PEPD: variants seen among roughly 807,000 people sequenced by gnomAD.
The protein encoded by PEPD is peptidase D.
Under a neutral mutation model 60.7 loss-of-function variants are expected in PEPD, and 53 were observed. The ratio of observed to expected loss-of-function variants is 0.87; its 90% confidence interval spans 0.70 to 1.10. The LOEUF is 1.10. Among genes scored for constraint, PEPD ranks in the 50% least tolerant of loss-of-function variants. The pLI is 0.00. For synonymous variants in PEPD, 267 were observed against 284.1 expected, an observed-to-expected ratio of 0.94 and a Z score of 0.60; for missense variants, 711 against 711.9, an observed-to-expected ratio of 1.00 and a Z score of 0.01.
At chr19:33,487,746 A>T (rs1970422628) in intron 6 of PEPD, among the ~76,000 whole-genome samples, 1 of 152,100 alleles carries the variant, frequency 6.6e-6, no homozygotes, top group Non-Finnish European at 1.5e-5. Context: ...TGGCTCTCCA[A>T]AAAGTGTCCC....
At chr19:33,486,697 C>A (rs1290305530) in intron 6 of PEPD, among the ~76,000 whole-genome samples, 2 of 152,152 alleles carry the variant, frequency 1.3e-5, no homozygotes, top group Non-Finnish European at 2.9e-5. Flanking sequence ...CAAGGCTGAG[C>A]CCAAATGGGA....
intron 7 of PEPD, among the ~76,000 whole-genome samples, chr19:33,472,547 A>G (rs907168429): frequency 6.7e-6 from 1 of 148,926 alleles, no homozygotes; most frequent in Non-Finnish European, 1.5e-5. Flanking sequence ...CAAAAATCAC[A>G]AAAAGTAGAT....
At position 33,512,586 on chromosome 19, in the gene PEPD, G is replaced by C. The variant is rs749895928; in HGVS notation, c.201+7C>G. On this transcript the variant is annotated splice_region_variant and intron_variant, in intron 2 of 14. Transcript: ENST00000244137. ...CTGCTCACTTGTGGCCAAGCGGGGA[G>C]GCTCACCTGGCGGAAGAGGACCCCG... The C allele has an allele frequency of 1.9e-6, 3 of 1,612,844 alleles. No homozygotes were observed. In the South Asian group the frequency reaches 3.3e-5, roughly 18 times the overall value.
At chr19:33,500,128 G>T (rs1970681337) in intron 4 of PEPD, among the ~76,000 whole-genome samples, 1 of 152,262 alleles carries the variant, frequency 6.6e-6, no homozygotes, top group Non-Finnish European at 1.5e-5. Flanking sequence ...GCCAGGTCCA[G>T]GTTGGACTCC....
chr19:33,450,131 T>G (rs1402108544), intron 9 of PEPD, among the ~76,000 whole-genome samples: 2 of 152,218 alleles, frequency 1.3e-5, no homozygotes, highest in Non-Finnish European at 2.9e-5. Flanking sequence ...TTTTTATCAG[T>G]CTAGGTCAGA....
intron 6 of PEPD, among the ~76,000 whole-genome samples, chr19:33,487,591 C>T (rs1568496672): frequency 1.3e-5 from 2 of 152,114 alleles, no homozygotes; most frequent in African/African-American, 4.8e-5. Context: ...CACCAGCACC[C>T]GGGGTGGGGG....
At chr19:33,491,718 G>A (rs1215734654) in intron 5 of PEPD, among the ~76,000 whole-genome samples, 3 of 152,156 alleles carry the variant, frequency 2.0e-5, no homozygotes. Flanking sequence ...AGAGGCAAAG[G>A]TAGAGGGGGA....
rs1968498805 is a variant in PEPD at position 33,401,789 on chromosome 19, G to A, written c.899C>T (p.Ala300Val). Reference protein sequence around the residue: ...CSFPANGKFTADQKAVYEAVL... With the variant: ...CSFPANGKFTVDQKAVYEAVL... ...TGCCTCATAGACGGCCTTCTGGTCT[G>A]CAGTGAACTTGCCGTTGGCGGGAAA... Residue 300 changes from alanine to valine, a missense_variant, in exon 12 of 15, where the codon GCA (alanine) becomes GTA (valine). By Grantham distance (64) the Ala-to-Val change is moderately conservative. Coordinates refer to ENST00000244137, the MANE Select transcript of PEPD (RefSeq NM_000285.4). 1.9e-6 allele frequency: 3 copies of A among 1,612,508 alleles called. No homozygotes were observed. The highest frequency in any genetic ancestry group is 2.5e-6 in the Non-Finnish European group (3 of 1,179,628).
chr19:33,488,076 G>T (rs904369042), intron 6 of PEPD, among the ~76,000 whole-genome samples: 1 of 152,070 alleles, frequency 6.6e-6, no homozygotes, highest in Non-Finnish European at 1.5e-5. Flanking sequence ...CGTGGTCCAG[G>T]GGGGCTCAGC....
chr19:33,518,346 A>C (rs1208154062), intron 1 of PEPD, among the ~76,000 whole-genome samples: 1 of 152,140 alleles, frequency 6.6e-6, no homozygotes, highest in Non-Finnish European at 1.5e-5. Context: ...CCTAGCCCCC[A>C]GTCGGCCTGA....
At chr19:33,450,287 A>T (rs1357872717) in intron 9 of PEPD, among the ~76,000 whole-genome samples, 1 of 152,252 alleles carries the variant, frequency 6.6e-6, no homozygotes, top group African/African-American at 2.4e-5. Flanking sequence ...CCTCCCAGAC[A>T]GCTGGCAGGA....
intron 9 of PEPD, among the ~76,000 whole-genome samples, chr19:33,461,867 G>T (rs563518833): frequency 6.6e-6 from 1 of 152,232 alleles, no homozygotes; most frequent in Non-Finnish European, 1.5e-5. Flanking sequence ...TCTGATTAAC[G>T]TGTGTTACAC....
chr19:33,464,869 G>A (rs1969992597), intron 7 of PEPD, among the ~76,000 whole-genome samples: 1 of 152,090 alleles, frequency 6.6e-6, no homozygotes, highest in African/African-American at 2.4e-5. Flanking sequence ...AGCCAAATAA[G>A]TATTCGTTTT....
At chr19:33,415,448 G>A (rs1401579090) in intron 9 of PEPD, among the ~76,000 whole-genome samples, 1 of 152,192 alleles carries the variant, frequency 6.6e-6, no homozygotes, top group East Asian at 1.9e-4. Flanking sequence ...AAGGTTGGAG[G>A]ACTGCTTGAG....
chr19:33,410,575 C>G (rs917036446), intron 11 of PEPD, among the ~76,000 whole-genome samples: 1 of 152,196 alleles, frequency 6.6e-6, no homozygotes, highest in African/African-American at 2.4e-5. Context: ...ATGGGAACTC[C>G]CGCTGGAGGA....
At chr19:33,440,702 T>C (rs1476055017) in intron 9 of PEPD, among the ~76,000 whole-genome samples, 1 of 152,208 alleles carries the variant, frequency 6.6e-6, no homozygotes, top group African/African-American at 2.4e-5. Flanking sequence ...CGTCCCCGCT[T>C]TTATTTTTCC....
intron 12 of PEPD, 90 bp downstream of exon 12, chr19:33,401,631 A>G: frequency 8.1e-7 from 1 of 1,233,456 alleles, no homozygotes; most frequent in Non-Finnish European, 1.2e-6. Flanking sequence ...AAGTCACACA[A>G]TGCAGACCCG....
chr19:33,387,360 A>G lies in PEPD; in HGVS notation c.1466T>C (p.Phe489Ser). ...MAGCDKAFTP[F>S]SGPK Reference sequence around the variant, plus strand: ...TGGCTGGCTCTACTTGGGGCCAGAGAAGGGGGTAAAGGCCTTGTCACAGCC... The same window carrying G: ...TGGCTGGCTCTACTTGGGGCCAGAGGAGGGGGTAAAGGCCTTGTCACAGCC... Residue 489 changes from phenylalanine to serine, a missense_variant, in exon 15 of 15, where the codon TTC (phenylalanine) becomes TCC (serine). Phe to Ser is a radical substitution (Grantham distance 155). Transcript: ENST00000244137. The G allele has an allele frequency of 1.9e-6, 3 of 1,613,966 alleles. No individual in the cohort carries two copies. Among genetic ancestry groups the G allele is most frequent in the Non-Finnish European group, 2.5e-6 (3 of 1,180,030 alleles).
intron 3 of PEPD, among the ~76,000 whole-genome samples, chr19:33,506,405 ACC>A: frequency 7.4e-6 from 1 of 135,644 alleles, no homozygotes; most frequent in African/African-American, 2.8e-5. Flanking sequence ...TCACACACAC[ACC>A]CTCATCACAC....
Sources: gnomAD v4.1 joint callset for allele counts (sites outside exome capture counted in the v4.1 genomes callset) on GRCh38, gnomAD v4.1.1 for gene constraint, MANE v1.5 for transcripts, NCBI Gene and HGNC (gene_info 2026-07-23, HGNC 2026-07-21) for gene names.